The following GPR89A variants were observed in gnomAD, a reference collection of about 807,000 sequenced individuals.
GPR89A encodes the protein golgi pH regulator A.
Under a neutral mutation model 52.0 loss-of-function variants are expected in GPR89A, and 16 were observed. That is an observed-to-expected ratio of 0.31 (90% CI 0.21 to 0.47). The LOEUF is 0.47. Ranked by LOEUF, GPR89A falls within the 20% of genes least tolerant of loss-of-function variation. The pLI, the probability that GPR89A is intolerant of heterozygous loss-of-function variation, is 1.00. For synonymous variants in GPR89A, 55 were observed against 150.9 expected (o/e 0.36, Z 4.66); for missense variants, 135 against 449.4 (o/e 0.30, Z 6.33).
chr1:145,630,102 T>C (rs1649791376), intron 5 of GPR89A, among the ~76,000 whole-genome samples: 3 of 150,690 alleles, frequency 2.0e-5, no homozygotes, highest in South Asian at 4.2e-4. Flanking sequence ...TCACGTGATA[T>C]GAAACAATTG....
At chr1:145,667,125 G>A (rs1553696599) in intron 12 of GPR89A, among the ~76,000 whole-genome samples, 1 of 152,196 alleles carries the variant, frequency 6.6e-6, no homozygotes, top group Admixed American at 6.5e-5. Flanking sequence ...TGGGTCAAAT[G>A]TTATTTCTAG....
chr1:145,615,123 G>A (rs181710903), intron 1 of GPR89A, among the ~76,000 whole-genome samples: 4 of 152,092 alleles, frequency 2.6e-5, no homozygotes, highest in Non-Finnish European at 4.4e-5. Context: ...ATGTGGCTAC[G>A]GTCTCTGCCA....
intron 10 of GPR89A, among the ~76,000 whole-genome samples, chr1:145,654,417 G>A (rs188800064): frequency 0.044 from 6,639 of 151,870 alleles, 195 homozygotes; most frequent in Middle Eastern, 0.11. Context: ...GCCAGGCATG[G>A]TGGCAGGCGC....
intron 10 of GPR89A, among the ~76,000 whole-genome samples, chr1:145,661,853 T>A (rs1435436761): frequency 6.7e-6 from 1 of 150,036 alleles, no homozygotes; most frequent in Non-Finnish European, 1.5e-5. Flanking sequence ...TCTCATTCAA[T>A]TCAAAATGCT....
chr1:145,649,861 T>C (rs1321669742), intron 10 of GPR89A, among the ~76,000 whole-genome samples: 4 of 152,144 alleles, frequency 2.6e-5, no homozygotes, highest in African/African-American at 9.6e-5. Flanking sequence ...CGAGGTGATA[T>C]TGCATTGTGG....
At position 145,670,106 on chromosome 1, in the gene GPR89A, A is replaced by T; in HGVS notation, c.*66A>T. The stretch of plus-strand genomic sequence containing the variant: ...AAATTTAGATATAAGAGGGGGGAAA[A>T]ATGGAACCAGGGCCTGACATTTTAT... On this transcript the variant is annotated 3_prime_UTR_variant, in exon 14 of 14. Coordinates refer to ENST00000313835, the MANE Select transcript of GPR89A (RefSeq NM_001097612.2). 1 of 1,244,444 alleles carries T rather than the reference A, an allele frequency of 8.0e-7. No homozygotes were observed. The highest frequency in any genetic ancestry group is 1.1e-6 in the Non-Finnish European group (1 of 912,084). The allele number at this position is 1,244,444 out of a possible 1,614,324, so 77.1% of individuals were successfully genotyped here.
intron 3 of GPR89A, among the ~76,000 whole-genome samples, chr1:145,621,766 C>G (rs1241117948): frequency 6.6e-6 from 1 of 151,942 alleles, no homozygotes; most frequent in Non-Finnish European, 1.5e-5. Context: ...AATAAAGGAT[C>G]TGAATAGGCA....
intron 3 of GPR89A, 61 bp from the exon 4 acceptor site, chr1:145,622,993 A>T (rs1217116879): frequency 6.3e-7 from 1 of 1,598,334 alleles, no homozygotes; most frequent in Non-Finnish European, 8.5e-7. Flanking sequence ...TGGAAGACTA[A>T]AGAGAAAGAA....
chr1:145,646,349 T>C, intron 9 of GPR89A, 77 bp downstream of exon 9: 1 of 1,213,024 alleles, frequency 8.2e-7, no homozygotes, highest in Admixed American at 2.4e-5. Flanking sequence ...GCTTTTTAGA[T>C]TTCTCTGTGG....
chr1:145,614,149 A>G (rs1418499821), intron 1 of GPR89A, among the ~76,000 whole-genome samples: 2 of 152,080 alleles, frequency 1.3e-5, no homozygotes, highest in East Asian at 1.9e-4. Context: ...TGACTGTGTG[A>G]TGAATACCTT....
At chr1:145,619,356 T>C (rs1553687642) in intron 3 of GPR89A, among the ~76,000 whole-genome samples, 1 of 146,802 alleles carries the variant, frequency 6.8e-6, no homozygotes, top group Non-Finnish European at 1.5e-5. Flanking sequence ...ACGCCTATAA[T>C]CCTAGCACTT....
At chr1:145,664,908 T>C (rs1246413879) in intron 11 of GPR89A, among the ~76,000 whole-genome samples, 1 of 150,830 alleles carries the variant, frequency 6.6e-6, no homozygotes, top group Non-Finnish European at 1.5e-5. Flanking sequence ...GTCCCAAAAC[T>C]CCTTCTCACT....
chr1:145,614,276 A>AC, intron 1 of GPR89A, among the ~76,000 whole-genome samples: 1 of 152,068 alleles, frequency 6.6e-6, no homozygotes, highest in East Asian at 1.9e-4. Context: ...ATCTGTCCTA[A>AC]CCCCTTACAG....
intron 3 of GPR89A, among the ~76,000 whole-genome samples, chr1:145,620,228 A>T (rs1168447771): frequency 7.9e-5 from 12 of 152,222 alleles, no homozygotes; most frequent in Non-Finnish European, 1.6e-4. Flanking sequence ...TCTGTGGACC[A>T]GAAGGTTTCT....
At chr1:145,617,754 G>A (rs1419061590) in intron 2 of GPR89A, among the ~76,000 whole-genome samples, 2 of 152,082 alleles carry the variant, frequency 1.3e-5, no homozygotes, top group Non-Finnish European at 2.9e-5. Context: ...TTTGGATTCA[G>A]AAGATCACCA....
rs1553685231 is a variant in GPR89A, at chr1:145,608,047, C to T, written c.-87C>T. ...CCCGGCTGCAGCACCTGGGAGAAGG[C>T]AGACCGTGTGAGGGGGCCTGTGGCC... On this transcript the variant is annotated 5_prime_UTR_variant, in exon 1 of 14. An upstream open reading frame in the 5' UTR gains an earlier in-frame stop. Coordinates refer to ENST00000313835, the MANE Select transcript of GPR89A (RefSeq NM_001097612.2). 7.2e-6 allele frequency: 11 copies of T among 1,527,974 alleles called. No homozygotes were observed. In the East Asian group the frequency reaches 1.6e-4, roughly 22 times the overall value. 94.7% of individuals were successfully genotyped at this position (1,527,974 alleles called of 1,614,324 possible). A position where few individuals can be genotyped will look rare whatever the true frequency, so the allele number is the denominator to read the frequency against.
chr1:145,611,779 A>G (rs1282817379), intron 1 of GPR89A, among the ~76,000 whole-genome samples: 3 of 151,716 alleles, frequency 2.0e-5, no homozygotes, highest in African/African-American at 4.8e-5. Flanking sequence ...CATAAGTCAT[A>G]TAAATATGGT....
rs1292137752 is a variant in GPR89A, at chr1:145,653,406, T to G, written c.909+6139T>G. Among the ~76,000 whole-genome samples, 5 of 115,960 alleles carry G rather than the reference T, an allele frequency of 4.3e-5. No individual in the cohort carries two copies. In the East Asian group the frequency reaches 1.2e-3, roughly 28 times the overall value. 76.1% of individuals were successfully genotyped at this position (115,960 alleles called of 152,430 possible). On this transcript the variant is annotated intron_variant, in intron 10 of 13. Transcript: ENST00000313835. ...CTACTTCCAGTTATGTGATCAATTT[T>G]AGAGTATGTGCCATGTGGCACCAAG...
intron 7 of GPR89A, among the ~76,000 whole-genome samples, chr1:145,643,149 G>T (rs1553691997): frequency 2.7e-5 from 4 of 150,588 alleles, no homozygotes; most frequent in Non-Finnish European, 5.9e-5. Flanking sequence ...TATGTTAGCT[G>T]GTTTTTTTTG....
Sources: gnomAD v4.1 joint callset for allele counts (sites outside exome capture counted in the v4.1 genomes callset) on GRCh38, gnomAD v4.1.1 for gene constraint, MANE v1.5 for transcripts, NCBI Gene and HGNC (gene_info 2026-07-23, HGNC 2026-07-21) for gene names.